The following QTGAL variants were observed in gnomAD, a reference collection of about 807,000 sequenced individuals.
QTGAL encodes the protein BGnT-like protein 1.
chr17:83,035,165 G>C, the QTGAL span: 55 of 1,349,138 alleles, frequency 4.1e-5, no homozygotes, highest in Non-Finnish European at 5.7e-5. Context: ...CTTTCATAGA[G>C]CTTAGTATAT....
At chr17:83,012,992 A>G in the QTGAL span, among the ~76,000 whole-genome samples, 3 of 152,014 alleles carry the variant, frequency 2.0e-5, no homozygotes, top group Non-Finnish European at 4.4e-5. Context: ...ACTTCCAGAA[A>G]CTGACTTCCG....
At chr17:82,996,550 AC>A in the QTGAL span, among the ~76,000 whole-genome samples, 3 of 151,584 alleles carry the variant, frequency 2.0e-5, no homozygotes, top group African/African-American at 7.3e-5. Flanking sequence ...AGAAAACACA[AC>A]CCTAAAATTT....
chr17:82,970,564 C>A, the QTGAL span, among the ~76,000 whole-genome samples: 1 of 131,414 alleles, frequency 7.6e-6, no homozygotes, highest in Admixed American at 8.6e-5. Flanking sequence ...TGGCCGCGAC[C>A]TCCGCACCCG....
the QTGAL span, among the ~76,000 whole-genome samples, chr17:83,031,826 C>T: frequency 7.9e-5 from 12 of 152,366 alleles, no homozygotes; most frequent in Admixed American, 3.9e-4. Flanking sequence ...TCGACTGTAA[C>T]GCCCTCTGCA....
the QTGAL span, among the ~76,000 whole-genome samples, chr17:83,025,240 G>A: frequency 3.3e-5 from 1 of 29,878 alleles, no homozygotes; most frequent in Non-Finnish European, 6.5e-5. Context: ...CACGGACACC[G>A]CGGAGTCCAC....
the QTGAL span, chr17:82,957,265 G>A: frequency 2.5e-6 from 4 of 1,614,186 alleles, no homozygotes; most frequent in Non-Finnish European, 1.7e-6. Context: ...GACAAGCACA[G>A]AAGGGCAGCT....
the QTGAL span, among the ~76,000 whole-genome samples, chr17:83,016,423 G>GAA: frequency 6.6e-6 from 1 of 151,858 alleles, no homozygotes; most frequent in Non-Finnish European, 1.5e-5. Flanking sequence ...AGAGGAGGCT[G>GAA]GGGACAGAGG....
At chr17:83,001,173 T>C in the QTGAL span, among the ~76,000 whole-genome samples, 1 of 152,118 alleles carries the variant, frequency 6.6e-6, no homozygotes. Flanking sequence ...TCACTGTAAA[T>C]CCCATAAAGC....
chr17:82,995,458 C>T, the QTGAL span, among the ~76,000 whole-genome samples: 62 of 151,818 alleles, frequency 4.1e-4, no homozygotes, highest in Middle Eastern at 0.014. Flanking sequence ...TCTTGGCTCA[C>T]TGCAACCTCT....
chr17:82,947,413 C>T, the QTGAL span: 182 of 171,902 alleles, frequency 1.1e-3, 1 homozygote, highest in African/African-American at 4.1e-3. Context: ...ACAGCTGCCC[C>T]TGTCTGATCT....
the QTGAL span, chr17:82,945,727 C>T: frequency 6.6e-6 from 1 of 152,082 alleles, no homozygotes; most frequent in Non-Finnish European, 1.5e-5. Context: ...AAGCAGCATC[C>T]CCCTACCCAG....
At chr17:82,998,553 G>A in the QTGAL span, among the ~76,000 whole-genome samples, 1 of 152,062 alleles carries the variant, frequency 6.6e-6, no homozygotes. Flanking sequence ...CACTGTGTCA[G>A]CCAGGATGGT....
chr17:83,029,575 T>C, the QTGAL span, among the ~76,000 whole-genome samples: 1 of 152,046 alleles, frequency 6.6e-6, no homozygotes, highest in Non-Finnish European at 1.5e-5. Flanking sequence ...AAACAAAAAA[T>C]ACAGGTGTGG....
the QTGAL span, among the ~76,000 whole-genome samples, chr17:82,955,647 G>A: frequency 1.3e-5 from 2 of 152,086 alleles, no homozygotes; most frequent in East Asian, 3.8e-4. Context: ...ACCATTATTG[G>A]TATATACCCA....
At chr17:82,966,975 T>G in the QTGAL span, among the ~76,000 whole-genome samples, 1 of 152,194 alleles carries the variant, frequency 6.6e-6, no homozygotes, top group African/African-American at 2.4e-5. Context: ...CACCCATTAA[T>G]AAGAAGACAG....
the QTGAL span, chr17:82,942,361 C>A: frequency 1.3e-6 from 2 of 1,590,060 alleles, no homozygotes; most frequent in Non-Finnish European, 1.7e-6. Context: ...TCAGTCCCCA[C>A]ACAGGGCCCA....
chr17:83,040,668 A>T, the QTGAL span, among the ~76,000 whole-genome samples: 1 of 152,252 alleles, frequency 6.6e-6, no homozygotes, highest in Non-Finnish European at 1.5e-5. Context: ...TTAAAATTCT[A>T]AGAAAAATTA....
the QTGAL span, among the ~76,000 whole-genome samples, chr17:82,990,636 T>C: frequency 6.6e-6 from 1 of 152,262 alleles, no homozygotes; most frequent in Admixed American, 6.5e-5. Flanking sequence ...CTAGGAATTT[T>C]AGATTTGGGG....
At chr17:83,019,780 C>A in the QTGAL span, among the ~76,000 whole-genome samples, 3 of 152,146 alleles carry the variant, frequency 2.0e-5, no homozygotes, top group East Asian at 5.8e-4. Flanking sequence ...CTTGCCCAGG[C>A]TGGAGTGCAG....
Sources: gnomAD v4.1 joint callset for allele counts (sites outside exome capture counted in the v4.1 genomes callset) on GRCh38, gnomAD v4.1.1 for gene constraint, MANE v1.5 for transcripts, NCBI Gene and HGNC (gene_info 2026-07-23, HGNC 2026-07-21) for gene names.